Variants in FAM13A observed in about 807,000 individuals in gnomAD.
FAM13A encodes protein FAM13A.
Under a neutral mutation model 129.6 loss-of-function variants are expected in FAM13A, and 76 were observed. That is an observed-to-expected ratio of 0.59 (90% CI 0.49 to 0.71). The LOEUF is 0.71. Ranked by LOEUF, FAM13A falls within the 30% of genes least tolerant of loss-of-function variation. The pLI is 0.00. For synonymous variants in FAM13A, 443 were observed against 449.9 expected (o/e 0.98, Z 0.20); for missense variants, 1,108 against 1,249.3 (o/e 0.89, Z 1.70).
chr4:88,731,845 A>G, intron 22 of FAM13A, 157 bp downstream of exon 22: 3 of 639,554 alleles, frequency 4.7e-6, no homozygotes, highest in Non-Finnish European at 7.7e-6. Flanking sequence ...AGCATATAAA[A>G]AAAGAAATTT....
At chr4:88,888,313 C>T (rs564908600) in intron 6 of FAM13A, among the ~76,000 whole-genome samples, 1 of 148,306 alleles carries the variant, frequency 6.7e-6, no homozygotes, top group Admixed American at 6.6e-5. Context: ...TTTGTACTGC[C>T]AGGCTTAAAG....
chr4:88,863,440 A>G (rs909826491), intron 6 of FAM13A, among the ~76,000 whole-genome samples: 2 of 152,176 alleles, frequency 1.3e-5, no homozygotes, highest in African/African-American at 4.8e-5. Flanking sequence ...CTTGAGTTGT[A>G]TCCTTTAAAA....
chr4:88,770,102 C>T (rs1223893071), intron 11 of FAM13A, among the ~76,000 whole-genome samples: 1 of 152,118 alleles, frequency 6.6e-6, no homozygotes, highest in Non-Finnish European at 1.5e-5. Context: ...TACTAGAATA[C>T]TAAGCATTAA....
intron 5 of FAM13A, among the ~76,000 whole-genome samples, chr4:88,907,792 G>A (rs944163661): frequency 2.8e-4 from 42 of 152,198 alleles, no homozygotes; most frequent in African/African-American, 9.4e-4. Flanking sequence ...TACCATACTT[G>A]GCATCTAAAA....
At chr4:88,976,272 A>G (rs759399357) in intron 4 of FAM13A, among the ~76,000 whole-genome samples, 3 of 152,160 alleles carry the variant, frequency 2.0e-5, no homozygotes, top group Non-Finnish European at 4.4e-5. Flanking sequence ...GGCAGATGTT[A>G]TTGCTTAATC....
At chr4:88,864,271 C>T (rs1259609152) in intron 6 of FAM13A, among the ~76,000 whole-genome samples, 1 of 152,176 alleles carries the variant, frequency 6.6e-6, no homozygotes, top group African/African-American at 2.4e-5. Context: ...GAGTCATTTA[C>T]AAGATTAGTG....
intron 5 of FAM13A, among the ~76,000 whole-genome samples, chr4:88,920,878 C>T: frequency 6.6e-6 from 1 of 151,962 alleles, no homozygotes; most frequent in African/African-American, 2.4e-5. Flanking sequence ...AGCTGAAAGC[C>T]AAAGCTCGAG....
At chr4:89,045,395 G>A (rs1770716815) in intron 1 of FAM13A, among the ~76,000 whole-genome samples, 1 of 152,168 alleles carries the variant, frequency 6.6e-6, no homozygotes, top group Non-Finnish European at 1.5e-5. Flanking sequence ...GCAGCTAACT[G>A]ATGCCACTTT....
chr4:88,757,928 T>A (rs1394132521), intron 14 of FAM13A, among the ~76,000 whole-genome samples: 5 of 152,188 alleles, frequency 3.3e-5, no homozygotes, highest in African/African-American at 1.2e-4. Flanking sequence ...TGTTAAGTCA[T>A]CCTGCTGTAT....
At chr4:89,027,696 G>A (rs937483821) in intron 2 of FAM13A, among the ~76,000 whole-genome samples, 6 of 151,996 alleles carry the variant, frequency 3.9e-5, no homozygotes, top group East Asian at 3.9e-4. Flanking sequence ...TTATTCTTGC[G>A]CTTTGGGGCC....
chr4:88,923,310 ACT>A (rs1439782375), intron 5 of FAM13A, among the ~76,000 whole-genome samples: 1 of 152,256 alleles, frequency 6.6e-6, no homozygotes, highest in African/African-American at 2.4e-5. Context: ...TCAATAAAAT[ACT>A]GGCAAACCGA....
In FAM13A at chr4:88,921,034, A is replaced by G. The variant is rs563216841; in HGVS notation, c.760-14572T>C. Among the ~76,000 whole-genome samples, 11 of 152,344 alleles carry G rather than the reference A, an allele frequency of 7.2e-5. No individual in the cohort carries two copies. The South Asian group carries it at 2.3e-3, about 32-fold the overall frequency. ...TAAAAAGAAATGAACAAAGCCCCCA[A>G]GAAATATGGGACTATGTGAAAAGAC... On this transcript the variant is annotated intron_variant, in intron 5 of 23. Coordinates refer to ENST00000264344, the MANE Select transcript of FAM13A (RefSeq NM_014883.4).
At chr4:88,773,994 C>T (rs1202761056) in intron 11 of FAM13A, among the ~76,000 whole-genome samples, 2 of 152,138 alleles carry the variant, frequency 1.3e-5, no homozygotes, top group East Asian at 1.9e-4. Context: ...TTTAGGTGAT[C>T]AGGACCTCTG....
At chr4:88,987,068 T>C (rs1560667256) in intron 4 of FAM13A, among the ~76,000 whole-genome samples, 1 of 152,138 alleles carries the variant, frequency 6.6e-6, no homozygotes, top group Non-Finnish European at 1.5e-5. Flanking sequence ...AGGTAGGAAA[T>C]ACTGTTACAG....
At chr4:88,840,696 A>C (rs1045536742) in intron 7 of FAM13A, among the ~76,000 whole-genome samples, 4 of 152,218 alleles carry the variant, frequency 2.6e-5, no homozygotes, top group African/African-American at 9.6e-5. Flanking sequence ...GCTTGAAAAA[A>C]AATAGAAACC....
chr4:89,006,715 C>A (rs1340407978), intron 3 of FAM13A, among the ~76,000 whole-genome samples: 1 of 152,162 alleles, frequency 6.6e-6, no homozygotes, highest in Admixed American at 6.5e-5. Flanking sequence ...CAGGAAGAGT[C>A]AGGTCACATG....
chr4:88,749,580 CT>C (rs1742112987), intron 16 of FAM13A, among the ~76,000 whole-genome samples, 190 bp downstream of exon 16: 1 of 151,644 alleles, frequency 6.6e-6, no homozygotes, highest in South Asian at 2.1e-4. Flanking sequence ...TAAGAATACA[CT>C]TGTGCAAGGA....
intron 4 of FAM13A, among the ~76,000 whole-genome samples, chr4:88,959,494 G>T (rs774582556): frequency 1.3e-5 from 2 of 152,166 alleles, no homozygotes; most frequent in Non-Finnish European, 2.9e-5. Context: ...TCTCTCATTT[G>T]TTCCTGCCTT....
At chr4:88,771,525 G>A (rs1019006844) in intron 11 of FAM13A, among the ~76,000 whole-genome samples, 1 of 152,148 alleles carries the variant, frequency 6.6e-6, no homozygotes, top group Non-Finnish European at 1.5e-5. Context: ...CCTACCAGGC[G>A]TAGTAAGAGT....
Sources: allele counts gnomAD v4.1 joint callset (sites outside exome capture counted in the v4.1 genomes callset), GRCh38; gene constraint gnomAD v4.1.1; transcripts MANE v1.5; gene names NCBI Gene and HGNC (gene_info 2026-07-23, HGNC 2026-07-21).